NUP85: variants seen among roughly 807,000 people sequenced by gnomAD.
NUP85 encodes the protein nucleoporin 85.
NUP85 carries 23 observed loss-of-function variants against 92.8 expected under a neutral mutation model. That is an observed-to-expected ratio of 0.25 (90% confidence interval 0.18 to 0.35). The LOEUF (loss-of-function observed/expected upper bound fraction) is 0.35, where lower values mean the gene tolerates loss of function less well. Ranked by LOEUF, NUP85 falls within the 10% of genes least tolerant of loss-of-function variation. The pLI is 1.00. For synonymous variants in NUP85, 314 were observed against 306.9 expected, an observed-to-expected ratio of 1.02 and a Z score of -0.24; for missense variants, 759 against 822.8, an observed-to-expected ratio of 0.92 and a Z score of 0.95.
chr17:75,212,525 A>G (rs1340593871), intron 4 of NUP85, among the ~76,000 whole-genome samples: 2 of 146,066 alleles, frequency 1.4e-5, no homozygotes, highest in African/African-American at 2.6e-5. Context: ...CTGGAGTGCA[A>G]AGAAACATTA....
intron 7 of NUP85, among the ~76,000 whole-genome samples, chr17:75,224,829 G>GAAA (rs11482792): frequency 7.6e-5 from 10 of 132,416 alleles, no homozygotes; most frequent in East Asian, 2.2e-4. Flanking sequence ...GGGAACTCTG[G>GAAA]AAAAAAAAAA....
At chr17:75,214,161 T>C (rs1012149430) in intron 5 of NUP85, among the ~76,000 whole-genome samples, 1 of 152,214 alleles carries the variant, frequency 6.6e-6, no homozygotes. Flanking sequence ...ACATTTTTAC[T>C]GAGTTGCAAG....
intron 11 of NUP85, among the ~76,000 whole-genome samples, chr17:75,230,660 A>G (rs2076017959): frequency 6.6e-6 from 1 of 152,104 alleles, no homozygotes; most frequent in Non-Finnish European, 1.5e-5. Flanking sequence ...CGCCCGGCCA[A>G]CAACATGTTT....
intron 11 of NUP85, among the ~76,000 whole-genome samples, chr17:75,230,730 CT>C (rs1409613337): frequency 3.9e-5 from 6 of 152,194 alleles, no homozygotes; most frequent in Non-Finnish European, 8.8e-5. Flanking sequence ...CATAGTGACC[CT>C]TTTGGTGTGC....
intron 3 of NUP85, 84 bp from the exon 4 acceptor site, chr17:75,211,908 T>A: frequency 9.3e-7 from 1 of 1,079,218 alleles, no homozygotes; most frequent in Admixed American, 2.0e-5. Flanking sequence ...TCAGCAAATT[T>A]CTGCATTTAT....
chr17:75,232,153 A>G, intron 14 of NUP85, 174 bp downstream of exon 14: 1 of 675,092 alleles, frequency 1.5e-6, no homozygotes, highest in Non-Finnish European at 2.4e-6. Flanking sequence ...TGGGAGGGAC[A>G]GGAAAGCTAG....
intron 11 of NUP85, chr17:75,226,726 A>G (rs935955345): frequency 1.1e-5 from 5 of 449,712 alleles, no homozygotes; most frequent in African/African-American, 6.0e-5. Context: ...TACCATATAC[A>G]TAACTGTTTC....
chr17:75,233,045 C>G lies in NUP85; in HGVS notation c.1515-13C>G. On this transcript the variant is annotated splice_polypyrimidine_tract_variant and intron_variant, in intron 15 of 18. Transcript: ENST00000245544. ...TGAGACTGCTGCTCTGATCTCTGGG[C>G]CGGGCCCTGCAGGTTCCTCAGGGAT... The G allele has an allele frequency of 6.2e-7, 1 of 1,613,754 alleles. No homozygotes were observed. Among genetic ancestry groups the G allele is most frequent in the South Asian group, 1.1e-5 (1 of 91,058 alleles).
chr17:75,234,833 G>C (rs751363224), intron 17 of NUP85, 45 bp downstream of exon 17: 1 of 1,608,926 alleles, frequency 6.2e-7, no homozygotes, highest in Non-Finnish European at 8.5e-7. Flanking sequence ...GTCAGTCCCT[G>C]CTAGAGCTTA....
intron 7 of NUP85, among the ~76,000 whole-genome samples, chr17:75,218,755 A>G (rs2075511298): frequency 6.6e-6 from 1 of 151,918 alleles, no homozygotes; most frequent in Non-Finnish European, 1.5e-5. Flanking sequence ...CAAATTAATA[A>G]ATAAAAATAT....
chr17:75,207,241 T>G (rs1408223018), intron 1 of NUP85, among the ~76,000 whole-genome samples: 1 of 151,482 alleles, frequency 6.6e-6, no homozygotes. Context: ...TAGAGTGCAG[T>G]GGTGCGGTCT....
At position 75,215,870 on chromosome 17, in the gene NUP85, T is replaced by C. The variant is rs117091803; in HGVS notation, c.475+47T>C. 184 of 1,476,324 alleles carry C rather than the reference T, an allele frequency of 1.2e-4. 2 individuals carry two copies. In the East Asian group the frequency reaches 4.0e-3, roughly 32 times the overall value. The allele number at this position is 1,476,324 out of a possible 1,614,324, so 91.5% of individuals were successfully genotyped here. On this transcript the variant is annotated intron_variant, in intron 6 of 18. Transcript: ENST00000245544. ...ATAATCTCATAGGTGTCCCCTTCCA[T>C]CTTCTGCTCTTTCCTCATCTTTCCT... is the stretch of plus-strand genomic sequence containing the variant.
intron 6 of NUP85, 22 bp downstream of exon 6, chr17:75,215,845 A>G (rs768565813): frequency 8.8e-6 from 14 of 1,592,538 alleles, no homozygotes; most frequent in Non-Finnish European, 1.2e-5. Context: ...ATATCTCACC[A>G]TAATCTCATA....
At position 75,215,651 on chromosome 17, in the gene NUP85, A is replaced by C. The variant is rs114734031; in HGVS notation, c.406-103A>C. The C allele has an allele frequency of 1.2e-3, 1,270 of 1,036,396 alleles. 9 individuals are homozygous for C. In the African/African-American group the frequency reaches 0.016, roughly 13 times the overall value. 64.2% of individuals were successfully genotyped at this position (1,036,396 alleles called of 1,614,324 possible). A position where few individuals can be genotyped will look rare whatever the true frequency, so the allele number is the denominator to read the frequency against. On this transcript the variant is annotated intron_variant, in intron 5 of 18. Transcript: ENST00000245544. ...GTAGGATTGCAGTAACCTTTGGGTT[A>C]AGGAATGACTGTCATATGAGTCAAA...
At chr17:75,211,170 T>A (rs1416892034) in intron 3 of NUP85, among the ~76,000 whole-genome samples, 1 of 150,998 alleles carries the variant, frequency 6.6e-6, no homozygotes, top group African/African-American at 2.4e-5. Flanking sequence ...GCCTGGCTAA[T>A]TTTTGCATTT....
chr17:75,222,563 A>G (rs748357178), intron 7 of NUP85, among the ~76,000 whole-genome samples: 4 of 129,642 alleles, frequency 3.1e-5, no homozygotes, highest in Non-Finnish European at 6.1e-5. Context: ...GCTGGAGTGC[A>G]GTGCCTTGAA....
chr17:75,211,261 C>T (rs2075251269), intron 3 of NUP85, among the ~76,000 whole-genome samples: 1 of 151,888 alleles, frequency 6.6e-6, no homozygotes, highest in Non-Finnish European at 1.5e-5. Context: ...CCTCAGCGTC[C>T]CAAAGTGCTG....
At chr17:75,206,851 C>T (rs4789149) in intron 1 of NUP85, among the ~76,000 whole-genome samples, 148,869 of 151,804 alleles carry the variant, frequency 0.98, 73,067 homozygotes, top group East Asian at 1. Context: ...GTGCCCGCCA[C>T]CACGCCCGGC....
chr17:75,219,013 CGTATATGT>C (rs2075520051), intron 7 of NUP85, among the ~76,000 whole-genome samples: 1 of 152,046 alleles, frequency 6.6e-6, no homozygotes, highest in Non-Finnish European at 1.5e-5. Flanking sequence ...GTCAGCATGT[CGTATATGT>C]GTATATGGAT....
Sources: allele counts gnomAD v4.1 joint callset (sites outside exome capture counted in the v4.1 genomes callset), GRCh38; gene constraint gnomAD v4.1.1; transcripts MANE v1.5; gene names NCBI Gene and HGNC (gene_info 2026-07-23, HGNC 2026-07-21).